Variants in FBXL17 observed in about 807,000 individuals in gnomAD.
FBXL17 encodes F-box/LRR-repeat protein 17.
Under a neutral mutation model 66.2 loss-of-function variants are expected in FBXL17, and 22 were observed. That is an observed-to-expected ratio of 0.33 (90% CI 0.24 to 0.47). The LOEUF (loss-of-function observed/expected upper bound fraction) is 0.47. FBXL17 is among the 20% of genes least tolerant of loss of function. The pLI, the probability that FBXL17 is intolerant of heterozygous loss-of-function variation, is 1.00. For missense variants in FBXL17, 878 were observed against 948.2 expected, an observed-to-expected ratio of 0.93 and a Z score of 0.97; for synonymous variants, 474 against 400.5, an observed-to-expected ratio of 1.18 and a Z score of -2.19.
At chr5:108,051,165 G>C (rs987622830) in intron 6 of FBXL17, among the ~76,000 whole-genome samples, 1 of 152,118 alleles carries the variant, frequency 6.6e-6, no homozygotes, top group African/African-American at 2.4e-5. Flanking sequence ...GTACAAAGAG[G>C]AGCTGGTACT....
At chr5:108,054,386 C>T (rs1747603714) in intron 6 of FBXL17, among the ~76,000 whole-genome samples, 1 of 152,014 alleles carries the variant, frequency 6.6e-6, no homozygotes, top group Non-Finnish European at 1.5e-5. Flanking sequence ...GGAGGGTCAC[C>T]TCATTACTGC....
At chr5:107,927,238 C>A (rs545210378) in intron 7 of FBXL17, among the ~76,000 whole-genome samples, 1 of 152,008 alleles carries the variant, frequency 6.6e-6, no homozygotes, top group East Asian at 1.9e-4. Context: ...AATAAATGGC[C>A]TCTAATAATA....
chr5:108,378,665 T>C (rs1225358422), intron 1 of FBXL17, among the ~76,000 whole-genome samples: 1 of 152,184 alleles, frequency 6.6e-6, no homozygotes, highest in East Asian at 1.9e-4. Context: ...TGGACATTCC[T>C]TAGAAATATC....
chr5:108,381,962 C>T lies in FBXL17; in HGVS notation c.-271G>A, dbSNP rs1034268556. Reference sequence around the variant, plus strand: ...TTGGGGACGCGAGGGAGGGAGCGAGCGAGCCTGCCGGCTAGGCGACCAGTC... The same window carrying T: ...TTGGGGACGCGAGGGAGGGAGCGAGTGAGCCTGCCGGCTAGGCGACCAGTC... On this transcript the variant is annotated 5_prime_UTR_variant, in exon 1 of 9. Transcript: ENST00000542267. 2.4e-6 allele frequency: 3 copies of T among 1,226,532 alleles called. No individual in the cohort carries two copies. Among genetic ancestry groups the T allele is most frequent in the African/African-American group, 1.6e-5 (1 of 63,892 alleles). The allele number at this position is 1,226,532 out of a possible 1,614,324, so 76.0% of individuals were successfully genotyped here.
At chr5:108,276,792 C>T (rs572495368) in intron 4 of FBXL17, among the ~76,000 whole-genome samples, 1 of 152,130 alleles carries the variant, frequency 6.6e-6, no homozygotes, top group Non-Finnish European at 1.5e-5. Flanking sequence ...ATTATTCAAG[C>T]CCTTAGACAT....
chr5:108,083,805 C>T (rs1018225656), intron 6 of FBXL17, among the ~76,000 whole-genome samples: 2 of 152,052 alleles, frequency 1.3e-5, no homozygotes, highest in African/African-American at 4.8e-5. Context: ...ACCAAAAAAA[C>T]ATATGGCATA....
chr5:108,265,527 T>C lies in FBXL17; in HGVS notation c.1507-41299A>G, dbSNP rs543155512. ...AAAACATCCTATCTGTGATTTCCAA[T>C]GTTCAACTGTATTTTGTTAATCTCT... On this transcript the variant is annotated intron_variant, in intron 4 of 8. Transcript: ENST00000542267. Among the ~76,000 whole-genome samples, 10 of 152,260 alleles carry C rather than the reference T, an allele frequency of 6.6e-5. 1 individual carries two copies. The South Asian group carries it at 2.1e-3, about 32-fold the overall frequency.
intron 6 of FBXL17, among the ~76,000 whole-genome samples, chr5:108,114,900 A>G (rs192973212): frequency 6.6e-6 from 1 of 152,272 alleles, no homozygotes; most frequent in East Asian, 1.9e-4. Context: ...TAAATGACAA[A>G]CATGTTGCAG....
intron 6 of FBXL17, among the ~76,000 whole-genome samples, chr5:108,158,648 C>A (rs1231785506): frequency 3.3e-5 from 5 of 152,018 alleles, no homozygotes; most frequent in African/African-American, 1.2e-4. Flanking sequence ...GGGCCAGGCA[C>A]TATTCTGGTG....
intron 8 of FBXL17, among the ~76,000 whole-genome samples, chr5:107,863,418 G>T (rs923324328): frequency 6.6e-6 from 1 of 151,160 alleles, no homozygotes; most frequent in Non-Finnish European, 1.5e-5. Context: ...TATCCATTAT[G>T]ACCCCTTTCA....
intron 6 of FBXL17, among the ~76,000 whole-genome samples, chr5:108,073,196 C>T (rs1748409743): frequency 6.6e-6 from 1 of 152,132 alleles, no homozygotes; most frequent in Non-Finnish European, 1.5e-5. Context: ...TGGGAAACAT[C>T]TCTTAATGGA....
intron 7 of FBXL17, among the ~76,000 whole-genome samples, chr5:107,979,437 T>TA (rs548632588): frequency 6.6e-6 from 1 of 152,356 alleles, no homozygotes; most frequent in South Asian, 2.1e-4. Flanking sequence ...AACATCCACC[T>TA]ACCCATTAGT....
chr5:108,284,105 A>G (rs1561506332), intron 4 of FBXL17, among the ~76,000 whole-genome samples: 1 of 151,802 alleles, frequency 6.6e-6, no homozygotes, highest in Non-Finnish European at 1.5e-5. Context: ...AATTAGTACA[A>G]CCTCTAGGGA....
At chr5:108,262,900 T>C (rs1467269686) in intron 4 of FBXL17, among the ~76,000 whole-genome samples, 1 of 152,198 alleles carries the variant, frequency 6.6e-6, no homozygotes, top group Non-Finnish European at 1.5e-5. Context: ...TTTTTAAAAG[T>C]GTTAAATTAT....
intron 6 of FBXL17, among the ~76,000 whole-genome samples, chr5:108,113,188 T>C (rs930560995): frequency 1.3e-5 from 2 of 152,152 alleles, no homozygotes; most frequent in Admixed American, 6.5e-5. Context: ...ATCAGAGACA[T>C]GCATTCCCAT....
chr5:108,160,142 C>CA (rs1752152225), intron 6 of FBXL17, among the ~76,000 whole-genome samples: 2 of 152,070 alleles, frequency 1.3e-5, no homozygotes, highest in South Asian at 4.1e-4. Context: ...TTACAAAACC[C>CA]AGATCTTAAA....
intron 4 of FBXL17, among the ~76,000 whole-genome samples, chr5:108,272,739 T>C (rs1460251805): frequency 6.6e-6 from 1 of 152,162 alleles, no homozygotes; most frequent in Non-Finnish European, 1.5e-5. Context: ...TCAATATTAT[T>C]GTCATCAGAA....
chr5:108,304,866 T>C (rs184744302), intron 4 of FBXL17, among the ~76,000 whole-genome samples: 2 of 152,106 alleles, frequency 1.3e-5, no homozygotes, highest in East Asian at 3.9e-4. Flanking sequence ...CTCTTCCTTG[T>C]CCTTCTCTAT....
intron 4 of FBXL17, among the ~76,000 whole-genome samples, chr5:108,344,909 C>T (rs1336507418): frequency 6.6e-6 from 1 of 152,206 alleles, no homozygotes; most frequent in African/African-American, 2.4e-5. Flanking sequence ...TACAGCTATA[C>T]TCCTCAAATC....
Sources: allele counts gnomAD v4.1 joint callset (sites outside exome capture counted in the v4.1 genomes callset), GRCh38; gene constraint gnomAD v4.1.1; transcripts MANE v1.5; gene names NCBI Gene and HGNC (gene_info 2026-07-23, HGNC 2026-07-21).